The following SPTBN4 variants were observed in gnomAD, a reference collection of about 807,000 sequenced individuals.
The protein encoded by SPTBN4 is spectrin beta, non-erythrocytic 4.
Under a neutral mutation model 277.8 loss-of-function variants are expected in SPTBN4, and 96 were observed. The ratio of observed to expected loss-of-function variants is 0.35; its 90% CI spans 0.29 to 0.41. The LOEUF is 0.41. Among genes scored for constraint, SPTBN4 ranks in the 10% least tolerant of loss-of-function variants. SPTBN4 has a pLI of 1.00. For missense variants in SPTBN4, 3,006 were observed against 3,595.7 expected, an observed-to-expected ratio of 0.84 and a Z score of 4.19; for synonymous variants, 1,481 against 1,580.3, an observed-to-expected ratio of 0.94 and a Z score of 1.49.
chr19:40,545,083 T>A (rs2369005), intron 20 of SPTBN4, among the ~76,000 whole-genome samples: 66,650 of 151,344 alleles, frequency 0.44, 15,507 homozygotes, highest in African/African-American at 0.5. Flanking sequence ...TAAAAAAATT[T>A]TTATTATTAT....
chr19:40,504,106 A>G lies in SPTBN4; in HGVS notation c.1639A>G (p.Met547Val). 1 of 1,302,720 alleles carries G rather than the reference A, an allele frequency of 7.7e-7. No homozygotes were observed. Among genetic ancestry groups the G allele is most frequent in the Non-Finnish European group, 1.0e-6 (1 of 975,088 alleles). The allele number at this position is 1,302,720 out of a possible 1,614,324, so 80.7% of individuals were successfully genotyped here. ...GAAGGTCTTCCAGGAGATGGTGTAC[A>G]TGGTGGACTGGATGGAGGAGATGCA... The part of the protein sequence containing the change: ...LQKVFQEMVY[M>V]VDWMEEMQAQ... The change falls in exon 12 of 36, where the codon ATG (methionine) becomes GTG (valine). Residue 547 changes from methionine (M) to valine (V), a missense_variant. By Grantham distance (21) the Met-to-Val change is conservative. This residue lies in a region of SPTBN4 where 1,759 missense variants were observed against 2,061.5 expected (regional missense o/e 0.85). Transcript: ENST00000598249.
chr19:40,496,269 C>T (rs1328851711), intron 6 of SPTBN4, among the ~76,000 whole-genome samples: 4 of 152,200 alleles, frequency 2.6e-5, no homozygotes, highest in Admixed American at 1.3e-4. Flanking sequence ...CCTGCCTCAG[C>T]GTCCTGAGTA....
At position 40,468,674 on chromosome 19, in the gene SPTBN4, C is replaced by T. The variant is rs531646914; in HGVS notation, c.-16+1369C>T. 5.2e-4 allele frequency among the ~76,000 whole-genome samples: 79 copies of T among 152,282 alleles called. 1 individual carries two copies. Among genetic ancestry groups the T allele is most frequent in the Non-Finnish European group, 9.1e-4 (62 of 68,024 alleles). ...AGATTATAAGCATGAGCCACCGTGC[C>T]GGGCCATCATTACTATTTTGCAGAT... On this transcript the variant is annotated intron_variant, in intron 1 of 35. Coordinates refer to ENST00000598249, the MANE Select transcript of SPTBN4 (RefSeq NM_020971.3).
intron 20 of SPTBN4, among the ~76,000 whole-genome samples, chr19:40,541,831 G>A (rs191185289): frequency 6.6e-6 from 1 of 152,160 alleles, no homozygotes; most frequent in East Asian, 1.9e-4. Flanking sequence ...TGCAATCTCC[G>A]CCTCCCAGGT....
At chr19:40,532,830 A>G in intron 19 of SPTBN4, 59 bp downstream of exon 19, 1 of 1,536,642 alleles carries the variant, frequency 6.5e-7, no homozygotes, top group Admixed American at 2.0e-5. Flanking sequence ...CAGGGAGCCC[A>G]CGTCTCACCT....
rs534778065 is a variant in SPTBN4, at chr19:40,474,352, CAT to C, written c.169+1564_169+1565del. Among the ~76,000 whole-genome samples the C allele has an allele frequency of 2.1e-3, 312 of 151,582 alleles. 1 individual carries two copies. Among genetic ancestry groups the C allele is most frequent in the Non-Finnish European group, 3.6e-3 (244 of 67,918 alleles). On this transcript the variant is annotated intron_variant, in intron 2 of 35. Transcript: ENST00000598249. The stretch of plus-strand genomic sequence containing the variant: ...GAAATGTGGATCTTGAGAAATCTGA[CAT>C]AGAGTGACCAAAACCTTCCTGCTTT...
At chr19:40,492,908 C>A (rs1275375429) in intron 4 of SPTBN4, 55 bp from the exon 5 acceptor site, 2 of 1,487,826 alleles carry the variant, frequency 1.3e-6, no homozygotes, top group East Asian at 2.3e-5. Context: ...GAGTGGGGGG[C>A]ATTCGAAGCC....
At chr19:40,489,527 C>T (rs2080112906) in intron 3 of SPTBN4, among the ~76,000 whole-genome samples, 1 of 152,108 alleles carries the variant, frequency 6.6e-6, no homozygotes, top group Admixed American at 6.6e-5. Context: ...CCTAGGATTG[C>T]GGGAGCGCGC....
At chr19:40,470,300 A>G (rs2079870342) in intron 1 of SPTBN4, among the ~76,000 whole-genome samples, 1 of 148,338 alleles carries the variant, frequency 6.7e-6, no homozygotes, top group African/African-American at 2.5e-5. Flanking sequence ...TGCCCGGCCT[A>G]TTTTTATTTT....
At chr19:40,532,855 T>G in intron 19 of SPTBN4, 84 bp downstream of exon 19, 1 of 1,468,116 alleles carries the variant, frequency 6.8e-7, no homozygotes, top group Non-Finnish European at 9.1e-7. Flanking sequence ...CACCCGCTGC[T>G]GCCATCCTGC....
At chr19:40,574,526 T>C (rs2081183459) in intron 35 of SPTBN4, among the ~76,000 whole-genome samples, 2 of 151,846 alleles carry the variant, frequency 1.3e-5, no homozygotes, top group Non-Finnish European at 2.9e-5. Flanking sequence ...CATGCCCGGC[T>C]AATTTATGTA....
At position 40,523,452 on chromosome 19, in the gene SPTBN4, G is replaced by A; in HGVS notation, c.3670G>A (p.Gly1224Ser). ...VLRNQEMALS[G>S]AELPGTVESV... ...TCCTCCCCAGGAGATGGCGCTGTCT[G>A]GTGCGGAGCTCCCGGGCACAGTGGA... The change falls in exon 17 of 36, where the codon GGT becomes AGT. Residue 1224 changes from glycine to serine, a missense_variant. By Grantham distance (56) the Gly-to-Ser change is moderately conservative (BLOSUM62 0). Transcript: ENST00000598249. 3.1e-6 allele frequency: 5 copies of A among 1,608,052 alleles called. No homozygotes were observed. The highest frequency in any genetic ancestry group is 4.2e-6 in the Non-Finnish European group (5 of 1,176,990).
intron 20 of SPTBN4, among the ~76,000 whole-genome samples, chr19:40,540,391 C>T (rs1298337583): frequency 1.3e-5 from 2 of 152,020 alleles, no homozygotes; most frequent in South Asian, 2.1e-4. Flanking sequence ...CCTCTCCATG[C>T]TGCTTTTTAA....
In SPTBN4 at chr19:40,519,299, T is replaced by C; in HGVS notation, c.2904-102T>C. On this transcript the variant is annotated intron_variant, in intron 15 of 35. Transcript: ENST00000598249. The surrounding 1 kb of genome is among the most constrained non-coding windows in gnomAD (Gnocchi z 5.7). Reference sequence around the variant, plus strand: ...GGAGAAACTTTCTGAGGTCACACAGTGGCTGGGTGGCTTGGGCCTGGATTC... The same window carrying C: ...GGAGAAACTTTCTGAGGTCACACAGCGGCTGGGTGGCTTGGGCCTGGATTC... The C allele has an allele frequency of 1.6e-6, 2 of 1,215,876 alleles. No individual in the cohort carries two copies. The highest frequency in any genetic ancestry group is 3.0e-5 in the East Asian group (1 of 33,896). 75.3% of individuals were successfully genotyped at this position (1,215,876 alleles called of 1,614,324 possible).
Position 40,541,642 on chromosome 19 carries a change from G to A in SPTBN4, c.4359+7299G>A, listed in dbSNP as rs376744586. ...GTGTAGTGGTGTGCAGTGTGTGAGCGATCTGTCCCCCTCAGCCTCTCTCCT... is the reference window on the plus strand; with the variant it reads ...GTGTAGTGGTGTGCAGTGTGTGAGCAATCTGTCCCCCTCAGCCTCTCTCCT... On this transcript the variant is annotated intron_variant, in intron 20 of 35. Transcript: ENST00000598249. 1.8e-3 allele frequency among the ~76,000 whole-genome samples: 280 copies of A among 152,190 alleles called. 3 individuals are homozygous for A. Among genetic ancestry groups the A allele is most frequent in the African/African-American group, 6.5e-3 (269 of 41,520 alleles).
chr19:40,551,933 G>T (rs1218963241), intron 22 of SPTBN4, among the ~76,000 whole-genome samples: 2 of 151,562 alleles, frequency 1.3e-5, no homozygotes, highest in Non-Finnish European at 2.9e-5. Flanking sequence ...GGCAGAGGTT[G>T]CAGTGAGCCA....
intron 3 of SPTBN4, among the ~76,000 whole-genome samples, chr19:40,488,248 G>T (rs1220466893): frequency 1.1e-4 from 17 of 152,004 alleles, no homozygotes; most frequent in Admixed American, 1.1e-3. Flanking sequence ...TTGCGGGTTG[G>T]GGGTGGGTAG....
intron 30 of SPTBN4, among the ~76,000 whole-genome samples, chr19:40,567,460 G>T (rs1453681224): frequency 2.0e-5 from 3 of 152,282 alleles, no homozygotes; most frequent in African/African-American, 7.2e-5. Context: ...ATTCTTAAAA[G>T]AGCAATAGGT....
rs557397091 is a variant in SPTBN4 at position 40,488,378 on chromosome 19, G to C, written c.321+530G>C. On this transcript the variant is annotated intron_variant, in intron 3 of 35. Coordinates refer to ENST00000598249, the MANE Select transcript of SPTBN4 (RefSeq NM_020971.3). The stretch of plus-strand genomic sequence containing the variant: ...GGATGTGGCTTGTTGTATAAATTGG[G>C]GCTGTGTCTCTGGGCTTGAATGGGG... Among the ~76,000 whole-genome samples, 22 of 152,176 alleles carry C rather than the reference G, an allele frequency of 1.4e-4. 2 individuals carry two copies. In the South Asian group the frequency reaches 4.6e-3, roughly 32 times the overall value.
Sources: gnomAD v4.1 joint callset for allele counts (sites outside exome capture counted in the v4.1 genomes callset) on GRCh38, gnomAD v4.1.1 for gene constraint, gnomAD v4.1.1 regional missense constraint, Gnocchi (gnomAD v3.1) non-coding constraint, MANE v1.5 for transcripts, NCBI Gene and HGNC (gene_info 2026-07-23, HGNC 2026-07-21) for gene names.